COL21A1: variants seen among roughly 807,000 people sequenced by gnomAD.
COL21A1 encodes collagen type XXI alpha 1 chain.
COL21A1 carries 149 observed loss-of-function variants against 137.9 expected under a neutral mutation model. The observed-to-expected ratio is 1.08, with a 90% CI of 0.95 to 1.24. The LOEUF is 1.24. Ranked by LOEUF, COL21A1 falls within the 50% of genes most tolerant of loss-of-function variation. COL21A1 has a pLI of 0.00. For missense variants in COL21A1, 1,167 were observed against 1,158.4 expected (o/e 1.01, Z -0.11); for synonymous variants, 456 against 391.5 (o/e 1.16, Z -1.95).
chr6:56,333,783 T>C (rs1765281581), intron 1 of COL21A1, among the ~76,000 whole-genome samples: 1 of 152,136 alleles, frequency 6.6e-6, no homozygotes, highest in African/African-American at 2.4e-5. Flanking sequence ...TCACTTGGTG[T>C]GGTGAATCTT....
At chr6:56,246,152 G>A (rs1782626883) in intron 1 of COL21A1, among the ~76,000 whole-genome samples, 1 of 151,862 alleles carries the variant, frequency 6.6e-6, no homozygotes, top group Non-Finnish European at 1.5e-5. Context: ...CTGCAACACT[G>A]AATTCCCTTT....
At chr6:56,274,999 C>T (rs1342816513) in intron 1 of COL21A1, among the ~76,000 whole-genome samples, 1 of 152,064 alleles carries the variant, frequency 6.6e-6, no homozygotes, top group Non-Finnish European at 1.5e-5. Flanking sequence ...CAGTATGGTA[C>T]TGGCACAAAA....
chr6:56,370,631 C>A (rs1766218541), intron 1 of COL21A1, among the ~76,000 whole-genome samples: 1 of 152,198 alleles, frequency 6.6e-6, no homozygotes, highest in South Asian at 2.1e-4. Flanking sequence ...GATACCATCA[C>A]AAGGCGAAAG....
At chr6:56,140,493 T>A (rs956952884) in intron 12 of COL21A1, among the ~76,000 whole-genome samples, 1 of 152,172 alleles carries the variant, frequency 6.6e-6, no homozygotes, top group Non-Finnish European at 1.5e-5. Context: ...GGGAACAGTA[T>A]TGTGTGGAAC....
intron 3 of COL21A1, among the ~76,000 whole-genome samples, chr6:56,175,720 G>T (rs1437182209): frequency 1.3e-5 from 2 of 152,080 alleles, no homozygotes; most frequent in Middle Eastern, 3.2e-3. Flanking sequence ...TTGATCTACA[G>T]ATTCAATGCA....
chr6:56,096,031 G>A (rs1769291088), intron 17 of COL21A1, among the ~76,000 whole-genome samples: 1 of 151,952 alleles, frequency 6.6e-6, no homozygotes, highest in Non-Finnish European at 1.5e-5. Context: ...ATTTTTAGTA[G>A]AGATGGGATT....
At chr6:56,130,671 G>T (rs1029488685) in intron 12 of COL21A1, among the ~76,000 whole-genome samples, 2 of 151,994 alleles carry the variant, frequency 1.3e-5, no homozygotes, top group Non-Finnish European at 2.9e-5. Flanking sequence ...AAAAATACGA[G>T]GTCTGGACAA....
chr6:56,393,052 A>G (rs1462349359), intron 1 of COL21A1, among the ~76,000 whole-genome samples: 3 of 68,002 alleles, frequency 4.4e-5, no homozygotes, highest in Non-Finnish European at 6.7e-5. Flanking sequence ...ATCCTTAGCA[A>G]AAAAAAAAAA....
chr6:56,290,498 G>GGTTTT (rs371058894), intron 1 of COL21A1, among the ~76,000 whole-genome samples: 4 of 132,956 alleles, frequency 3.0e-5, no homozygotes, highest in Non-Finnish European at 4.7e-5. Flanking sequence ...TCACTTAGGA[G>GGTTTT]ATTTTTTTTT....
At chr6:56,059,375 C>A in intron 28 of COL21A1, 133 bp from the exon 29 acceptor site, 1 of 557,876 alleles carries the variant, frequency 1.8e-6, no homozygotes, top group Non-Finnish European at 3.0e-6. Context: ...TTTTTTCTTA[C>A]TAATGGAAAA....
In COL21A1 at chr6:56,056,745, TAAC is replaced by T. The variant is rs554625949; in HGVS notation, c.*909_*911del. On this transcript the variant is annotated 3_prime_UTR_variant, in exon 30 of 30. Coordinates refer to ENST00000244728, the MANE Select transcript of COL21A1 (RefSeq NM_030820.4). The stretch of plus-strand genomic sequence containing the variant: ...ATAATATTTTACAGTCAGCTAAAAA[TAAC>T]AAGACATTCTAGGATTTCAGGAGTT... 5.9e-5 allele frequency: 9 copies of T among 152,288 alleles called. No homozygotes were observed. Among genetic ancestry groups the T allele is most frequent in the African/African-American group, 2.2e-4 (9 of 41,578 alleles). 9.4% of individuals were successfully genotyped at this position (152,288 alleles called of 1,614,324 possible). A position where few individuals can be genotyped will look rare whatever the true frequency, so the allele number is the denominator to read the frequency against.
chr6:56,134,538 C>T (rs1038235791), intron 12 of COL21A1, among the ~76,000 whole-genome samples: 2 of 152,128 alleles, frequency 1.3e-5, no homozygotes, highest in Non-Finnish European at 2.9e-5. Context: ...GTTGGGAAGG[C>T]ATGATTGGTT....
chr6:56,211,715 A>C (rs1780188184), intron 1 of COL21A1, among the ~76,000 whole-genome samples: 2 of 152,186 alleles, frequency 1.3e-5, no homozygotes, highest in Admixed American at 6.6e-5. Flanking sequence ...CATTTTTTTT[A>C]AACAAACGCT....
intron 17 of COL21A1, among the ~76,000 whole-genome samples, chr6:56,079,044 T>C (rs1163215360): frequency 6.6e-6 from 1 of 151,724 alleles, no homozygotes; most frequent in East Asian, 1.9e-4. Context: ...ATGCAATGAA[T>C]TAAGATAAAC....
chr6:56,235,100 T>G (rs758703698), intron 1 of COL21A1, among the ~76,000 whole-genome samples: 3 of 151,872 alleles, frequency 2.0e-5, no homozygotes, highest in Non-Finnish European at 4.4e-5. Flanking sequence ...CACACCTTAA[T>G]TTGTGGCTTA....
chr6:56,149,440 T>C (rs1364240258), intron 10 of COL21A1, among the ~76,000 whole-genome samples: 3 of 152,192 alleles, frequency 2.0e-5, no homozygotes, highest in Admixed American at 1.3e-4. Flanking sequence ...TAAGATCTTA[T>C]TGGCCCATAT....
intron 1 of COL21A1, among the ~76,000 whole-genome samples, chr6:56,185,815 A>T (rs1465543543): frequency 6.6e-6 from 1 of 152,216 alleles, no homozygotes; most frequent in Non-Finnish European, 1.5e-5. Flanking sequence ...AATCAAAAAC[A>T]TTCACACAAA....
intron 9 of COL21A1, among the ~76,000 whole-genome samples, chr6:56,163,249 C>T (rs531632370): frequency 2.6e-5 from 4 of 152,216 alleles, no homozygotes; most frequent in African/African-American, 9.6e-5. Flanking sequence ...TATCTTTTTG[C>T]TTAGGGAAAC....
chr6:56,307,003 G>T (rs1389626937), intron 1 of COL21A1, among the ~76,000 whole-genome samples: 2 of 152,202 alleles, frequency 1.3e-5, no homozygotes, highest in Non-Finnish European at 2.9e-5. Context: ...CACCCTGTTT[G>T]CCTGGGTATC....
Sources: allele counts gnomAD v4.1 joint callset (sites outside exome capture counted in the v4.1 genomes callset), GRCh38; gene constraint gnomAD v4.1.1; transcripts MANE v1.5; gene names NCBI Gene and HGNC (gene_info 2026-07-23, HGNC 2026-07-21).